The following SPHKAP variants were observed in gnomAD, a reference collection of about 807,000 sequenced individuals.
SPHKAP encodes the protein SPHK1 interactor, AKAP domain containing, also known as A-kinase anchor protein SPHKAP.
Under a neutral mutation model 137.5 loss-of-function variants are expected in SPHKAP, and 67 were observed. That is an observed-to-expected ratio of 0.49 (90% CI 0.40 to 0.60). The LOEUF (loss-of-function observed/expected upper bound fraction) is 0.60. Among genes scored for constraint, SPHKAP ranks in the 20% least tolerant of loss-of-function variants. The pLI is 0.00. For missense variants in SPHKAP, 2,097 were observed against 2,069.3 expected, an observed-to-expected ratio of 1.01 and a Z score of -0.26; for synonymous variants, 813 against 785.3, an observed-to-expected ratio of 1.04 and a Z score of -0.59.
intron 3 of SPHKAP, among the ~76,000 whole-genome samples, chr2:228,078,807 G>C (rs1010936019): frequency 6.6e-6 from 1 of 152,156 alleles, no homozygotes; most frequent in African/African-American, 2.4e-5. Flanking sequence ...CACTGAGTAG[G>C]AGAATGAGAG....
chr2:228,022,301 G>C (rs964503087), intron 5 of SPHKAP: 1 of 548,532 alleles, frequency 1.8e-6, no homozygotes, highest in Non-Finnish European at 2.3e-6. Flanking sequence ...GGGAAGAGAG[G>C]CCAGAATTAA....
chr2:228,053,928 ATAAAT>A (rs1464359944), intron 3 of SPHKAP, among the ~76,000 whole-genome samples: 1 of 152,200 alleles, frequency 6.6e-6, no homozygotes, highest in Non-Finnish European at 1.5e-5. Flanking sequence ...GGGAACAGAG[ATAAAT>A]TAATGTATTT....
At chr2:228,143,640 C>T (rs935593803) in intron 1 of SPHKAP, among the ~76,000 whole-genome samples, 16 of 149,276 alleles carry the variant, frequency 1.1e-4, no homozygotes, top group South Asian at 6.4e-4. Context: ...GGATTACAGG[C>T]GCATGCCAAG....
intron 2 of SPHKAP, among the ~76,000 whole-genome samples, chr2:228,112,325 T>A (rs968173719): frequency 1.3e-5 from 2 of 152,142 alleles, no homozygotes; most frequent in Non-Finnish European, 2.9e-5. Flanking sequence ...CAATGCAGTT[T>A]AACAAACATT....
intron 1 of SPHKAP, among the ~76,000 whole-genome samples, chr2:228,139,264 T>G (rs1012749327): frequency 6.6e-6 from 1 of 152,184 alleles, no homozygotes; most frequent in Non-Finnish European, 1.5e-5. Context: ...ATGTTGAATA[T>G]TGTTCAATTA....
Position 227,991,138 on chromosome 2 carries a change from G to C in SPHKAP, c.4821C>G (p.Ser1607Arg). ...CCAGGTCAAAGTTGATCACCAGCAG[G>C]CTCCTCTGGGGGCTGGCTGTTCCCG... ...PPTGTASPQR[S>R]LLVINFDLEP... is the part of the protein sequence containing the mutation. The change falls in exon 11 of 12, where the codon AGC becomes AGG. Residue 1607 changes from serine (S) to arginine (R), a missense_variant. By Grantham distance (110) the Ser-to-Arg change is moderately radical. Coordinates refer to ENST00000392056, the MANE Select transcript of SPHKAP (RefSeq NM_001142644.2). The C allele has an allele frequency of 6.2e-7, 1 of 1,614,112 alleles. No individual in the cohort carries two copies. Among genetic ancestry groups the C allele is most frequent in the Non-Finnish European group, 8.5e-7 (1 of 1,180,024 alleles).
At chr2:228,102,125 G>T (rs1392338495) in intron 3 of SPHKAP, among the ~76,000 whole-genome samples, 2 of 152,064 alleles carry the variant, frequency 1.3e-5, no homozygotes, top group African/African-American at 2.4e-5. Context: ...GCTAACAATT[G>T]TATCTTTTCA....
intron 3 of SPHKAP, among the ~76,000 whole-genome samples, chr2:228,057,633 G>T (rs1408265588): frequency 6.6e-6 from 1 of 152,104 alleles, no homozygotes; most frequent in Non-Finnish European, 1.5e-5. Flanking sequence ...ATGGAGAGAG[G>T]TTTCCAGGTA....
chr2:228,114,473 C>T (rs191621100), intron 2 of SPHKAP, among the ~76,000 whole-genome samples: 104 of 152,086 alleles, frequency 6.8e-4, no homozygotes, highest in Non-Finnish European at 1.1e-3. Context: ...AAATTAAATC[C>T]CATTTCATCC....
rs1174353050 is a variant in SPHKAP, at chr2:228,023,649, G to A, written c.442-1683C>T. Among the ~76,000 whole-genome samples the A allele has an allele frequency of 3.9e-5, 6 of 152,060 alleles. No homozygotes were observed. The East Asian group carries it at 9.6e-4, about 24-fold the overall frequency. ...GCCTATTGCATGCAAATTATGCAAG[G>A]AGGTGCATTTTCCGAGTGCCTATTG... On this transcript the variant is annotated intron_variant, in intron 5 of 11. Transcript: ENST00000392056.
At chr2:228,165,926 A>G (rs1700410464) in intron 1 of SPHKAP, among the ~76,000 whole-genome samples, 2 of 152,206 alleles carry the variant, frequency 1.3e-5, no homozygotes, top group African/African-American at 4.8e-5. Flanking sequence ...GTAAAATGCT[A>G]ATCAACTGGA....
At chr2:228,006,295 T>A (rs971858864) in intron 7 of SPHKAP, among the ~76,000 whole-genome samples, 3 of 152,234 alleles carry the variant, frequency 2.0e-5, no homozygotes, top group African/African-American at 7.2e-5. Flanking sequence ...TCATTTGATC[T>A]TCAGTCACTG....
At chr2:227,989,617 C>G (rs1283651051) in intron 11 of SPHKAP, among the ~76,000 whole-genome samples, 3 of 151,982 alleles carry the variant, frequency 2.0e-5, no homozygotes, top group African/African-American at 7.2e-5. Flanking sequence ...CACACTTATT[C>G]TTTTTTGAGA....
At chr2:228,158,326 CTT>C (rs55897294) in intron 1 of SPHKAP, among the ~76,000 whole-genome samples, 21 of 133,054 alleles carry the variant, frequency 1.6e-4, no homozygotes, top group African/African-American at 1.1e-4. Context: ...TTACTTCTTT[CTT>C]TTTTTTTTTT....
intron 1 of SPHKAP, among the ~76,000 whole-genome samples, chr2:228,168,217 G>A (rs1700477216): frequency 6.6e-6 from 1 of 152,010 alleles, no homozygotes; most frequent in Non-Finnish European, 1.5e-5. Context: ...CTTGCCACAA[G>A]AAAATTATTT....
Position 228,016,709 on chromosome 2 carries a change from G to C in SPHKAP, c.4145C>G (p.Pro1382Arg). ...RKDSVTECKQ[P>R]PVSSLSKTAS... Reference sequence around the variant, plus strand: ...AGTTTTGCTCAAAGATGACACTGGGGGCTGTTTACATTCGGTAACAGAGTC... The same window carrying C: ...AGTTTTGCTCAAAGATGACACTGGGCGCTGTTTACATTCGGTAACAGAGTC... Residue 1382 changes from proline (P) to arginine (R), a missense_variant, in exon 7 of 12, where the codon CCC (proline) becomes CGC (arginine). Physicochemically the swap from Pro to Arg is moderately radical, Grantham distance 103. Transcript: ENST00000392056. 3 of 1,614,078 alleles carry C rather than the reference G, an allele frequency of 1.9e-6. No homozygotes were observed. The highest frequency in any genetic ancestry group is 2.5e-6 in the Non-Finnish European group (3 of 1,180,006).
chr2:228,135,103 C>T (rs538389638), intron 1 of SPHKAP, among the ~76,000 whole-genome samples: 1 of 151,954 alleles, frequency 6.6e-6, no homozygotes, highest in Admixed American at 6.5e-5. Flanking sequence ...GGAGAAACCC[C>T]ATCTCTACTA....
chr2:228,162,315 T>A (rs2106414554), intron 1 of SPHKAP, among the ~76,000 whole-genome samples: 1 of 152,330 alleles, frequency 6.6e-6, no homozygotes, highest in South Asian at 2.1e-4. Flanking sequence ...ATTAGAGAAT[T>A]TATTAATAGT....
Position 228,019,636 on chromosome 2 carries a change from T to C in SPHKAP, c.1218A>G (p.Arg406=). The C allele has an allele frequency of 1.2e-6, 2 of 1,614,062 alleles. No individual in the cohort carries two copies. Among genetic ancestry groups the C allele is most frequent in the Non-Finnish European group, 1.7e-6 (2 of 1,179,984 alleles). ...GTAATGTGGACTGAGATTGAGATAATCTAATAAATGCATCCTGCAGCACGG... is the reference window on the plus strand; with the variant it reads ...GTAATGTGGACTGAGATTGAGATAACCTAATAAATGCATCCTGCAGCACGG... The part of the protein sequence containing the change: ...AESVLQDAFI[R]LSQSQSTLPQ... Residue 406 remains arginine, a synonymous_variant, in exon 7 of 12, where the codon AGA becomes AGG. Coordinates refer to ENST00000392056, the MANE Select transcript of SPHKAP (RefSeq NM_001142644.2).
Sources: allele counts gnomAD v4.1 joint callset (sites outside exome capture counted in the v4.1 genomes callset), GRCh38; gene constraint gnomAD v4.1.1; transcripts MANE v1.5; gene names NCBI Gene and HGNC (gene_info 2026-07-23, HGNC 2026-07-21).